PLSCR2: variants seen among roughly 807,000 people sequenced by gnomAD.
The protein encoded by PLSCR2 is PL scramblase 2.
PLSCR2 carries 18 observed loss-of-function variants against 25.3 expected under a neutral mutation model. The ratio of observed to expected loss-of-function variants is 0.71; its 90% CI spans 0.49 to 1.06. The LOEUF is 1.06. PLSCR2 is among the 50% of genes least tolerant of loss of function. The pLI is 0.00. For synonymous variants in PLSCR2, 88 were observed against 87.3 expected (o/e 1.01, Z -0.04); for missense variants, 243 against 269.5 (o/e 0.90, Z 0.69).
chr3:146,431,468 G>GC (rs1239120489), downstream of PLSCR2, among the ~76,000 whole-genome samples: 8 of 152,286 alleles, frequency 5.3e-5, no homozygotes, highest in Middle Eastern at 3.4e-3. Flanking sequence ...GATTAAAGCA[G>GC]CAAGTTGGCC....
chr3:146,479,273 C>T (rs1302334276), intron 1 of PLSCR2, among the ~76,000 whole-genome samples: 1 of 152,172 alleles, frequency 6.6e-6, no homozygotes, highest in Non-Finnish European at 1.5e-5. Flanking sequence ...GGACTAAATG[C>T]CCCAATTAAA....
At chr3:146,447,689 C>A (rs1004787886) in intron 6 of PLSCR2, among the ~76,000 whole-genome samples, 1 of 152,176 alleles carries the variant, frequency 6.6e-6, no homozygotes, top group African/African-American at 2.4e-5. Flanking sequence ...TTGGGCTGCC[C>A]TGGCTGGTGT....
chr3:146,409,373 C>G (rs2038769128), intron 2 of PLSCR2, among the ~76,000 whole-genome samples: 6 of 151,798 alleles, frequency 4.0e-5, no homozygotes, highest in Admixed American at 3.9e-4. Flanking sequence ...CAGAGGGAGG[C>G]AGTACAGGGG....
At chr3:146,459,823 G>A (rs761770302) in intron 2 of PLSCR2, 25 bp downstream of exon 2, 1 of 1,344,062 alleles carries the variant, frequency 7.4e-7, no homozygotes, top group Admixed American at 2.2e-5. Flanking sequence ...TTTTTTTTCT[G>A]AGTATTTTAC....
At chr3:146,400,837 G>A (rs1373604664) in intron 2 of PLSCR2, among the ~76,000 whole-genome samples, 2 of 151,806 alleles carry the variant, frequency 1.3e-5, no homozygotes, top group Non-Finnish European at 3.0e-5. Context: ...GAAGAGAGTA[G>A]ACTCTAGAAA....
intron 8 of PLSCR2, among the ~76,000 whole-genome samples, chr3:146,434,211 C>T (rs1293167278): frequency 6.6e-6 from 1 of 152,028 alleles, no homozygotes; most frequent in Non-Finnish European, 1.5e-5. Context: ...TTGGAAACCA[C>T]ACAAAAATAT....
At chr3:146,408,081 A>G (rs909393867) in intron 2 of PLSCR2, among the ~76,000 whole-genome samples, 1 of 152,174 alleles carries the variant, frequency 6.6e-6, no homozygotes, top group African/African-American at 2.4e-5. Context: ...CTTTGAAGTA[A>G]AGTCTCTACA....
downstream of PLSCR2, among the ~76,000 whole-genome samples, chr3:146,432,666 T>C (rs907128311): frequency 6.6e-6 from 1 of 152,192 alleles, no homozygotes; most frequent in African/African-American, 2.4e-5. Context: ...CCTTTGGTTC[T>C]TTTAAATGCC....
chr3:146,403,083 A>G (rs73152904), intron 2 of PLSCR2, among the ~76,000 whole-genome samples: 70 of 152,126 alleles, frequency 4.6e-4, no homozygotes, highest in Non-Finnish European at 8.8e-4. Context: ...TCCTTTTCCA[A>G]TTTCATATGC....
chr3:146,487,324 G>T (rs2043381889), intron 1 of PLSCR2, among the ~76,000 whole-genome samples: 1 of 152,060 alleles, frequency 6.6e-6, no homozygotes, highest in African/African-American at 2.4e-5. Context: ...AGGGAAATCA[G>T]GCAAGAGATA....
intron 1 of PLSCR2, among the ~76,000 whole-genome samples, chr3:146,490,102 CA>C (rs2043492341): frequency 1.3e-5 from 2 of 151,960 alleles, no homozygotes; most frequent in Non-Finnish European, 2.9e-5. Flanking sequence ...CCATCTGGGT[CA>C]AAATTTCTCT....
intron 3 of PLSCR2, among the ~76,000 whole-genome samples, chr3:146,393,978 CTT>C (rs1479830430): frequency 6.6e-6 from 1 of 151,894 alleles, no homozygotes; most frequent in Non-Finnish European, 1.5e-5. Flanking sequence ...CTTTTTAACA[CTT>C]GTCTCTATAT....
intron 1 of PLSCR2, among the ~76,000 whole-genome samples, chr3:146,482,417 A>C (rs770922839): frequency 1.3e-5 from 2 of 152,362 alleles, no homozygotes; most frequent in Non-Finnish European, 2.9e-5. Context: ...TGAGCAAAGG[A>C]TATGAACAGA....
downstream of PLSCR2, among the ~76,000 whole-genome samples, chr3:146,430,341 G>C (rs1393852286): frequency 6.6e-6 from 1 of 152,050 alleles, no homozygotes; most frequent in African/African-American, 2.4e-5. Flanking sequence ...AGAAACACAG[G>C]GCTTGAAAGA....
chr3:146,451,652 C>A (rs149973047), intron 5 of PLSCR2, among the ~76,000 whole-genome samples: 85 of 152,218 alleles, frequency 5.6e-4, no homozygotes, highest in Non-Finnish European at 9.4e-4. Context: ...CCAGAAAAAC[C>A]AAGCAATGCT....
chr3:146,395,314 GAGAA>G (rs1192355956), intron 3 of PLSCR2, among the ~76,000 whole-genome samples: 18 of 152,184 alleles, frequency 1.2e-4, no homozygotes, highest in Admixed American at 1.2e-3. Flanking sequence ...TATAAGTTGT[GAGAA>G]AGAGATTAGA....
downstream of PLSCR2, among the ~76,000 whole-genome samples, chr3:146,438,335 C>T (rs544443178): frequency 1.3e-5 from 2 of 152,232 alleles, no homozygotes; most frequent in East Asian, 1.9e-4. Flanking sequence ...TCTTTGTTAA[C>T]TTTCTGTCTC....
At chr3:146,448,195 G>A (rs942694841) in intron 6 of PLSCR2, among the ~76,000 whole-genome samples, 3 of 152,120 alleles carry the variant, frequency 2.0e-5, no homozygotes, top group Admixed American at 2.0e-4. Context: ...TTTCTGTTGT[G>A]TGGACAGTTG....
chr3:146,404,341 G>C (rs1372604588), intron 2 of PLSCR2, among the ~76,000 whole-genome samples: 1 of 152,166 alleles, frequency 6.6e-6, no homozygotes, highest in Non-Finnish European at 1.5e-5. Context: ...TATAAGAGAA[G>C]GAAGGAAGGG....
Sources: gnomAD v4.1 joint callset for allele counts (sites outside exome capture counted in the v4.1 genomes callset) on GRCh38, gnomAD v4.1.1 for gene constraint, MANE v1.5 for transcripts, NCBI Gene and HGNC (gene_info 2026-07-23, HGNC 2026-07-21) for gene names.